The following TSHR variants were observed in gnomAD, a reference collection of about 807,000 sequenced individuals.
The protein encoded by TSHR is thyroid stimulating hormone receptor.
TSHR carries 51 observed loss-of-function variants against 64.1 expected under a neutral mutation model. The ratio of observed to expected loss-of-function variants is 0.80; its 90% CI spans 0.64 to 1.01. TSHR has a LOEUF of 1.01. TSHR is among the 50% of genes least tolerant of loss of function. The probability of loss-of-function intolerance (pLI) is 0.00; values close to 1 mark genes in which losing one functional copy is unlikely to be tolerated. For synonymous variants in TSHR, 361 were observed against 361.9 expected (o/e 1.00, Z 0.03); for missense variants, 877 against 942.8 (o/e 0.93, Z 0.91).
chr14:81,072,937 C>A (rs1225515023), intron 3 of TSHR, among the ~76,000 whole-genome samples: 1 of 119,186 alleles, frequency 8.4e-6, no homozygotes, highest in Non-Finnish European at 1.6e-5. Context: ...GCGGAGCTTG[C>A]AGTGAGCCGA....
chr14:81,032,301 G>A (rs1268387286), intron 1 of TSHR, among the ~76,000 whole-genome samples: 1 of 152,262 alleles, frequency 6.6e-6, no homozygotes, highest in African/African-American at 2.4e-5. Context: ...ACTGCATCCA[G>A]ACATGCCTTG....
At chr14:81,067,519 A>G (rs1204096338) in intron 2 of TSHR, among the ~76,000 whole-genome samples, 2 of 146,054 alleles carry the variant, frequency 1.4e-5, no homozygotes, top group Admixed American at 6.8e-5. Context: ...ATATATCACT[A>G]TATATAATCC....
At chr14:81,057,392 C>A (rs1027537711) in intron 1 of TSHR, among the ~76,000 whole-genome samples, 2 of 151,836 alleles carry the variant, frequency 1.3e-5, no homozygotes, top group African/African-American at 4.8e-5. Flanking sequence ...GCCTGGGTGA[C>A]AAGAGTGAAA....
rs61978749 is a variant in TSHR at position 81,059,668 on chromosome 14, C to A, written c.171-2480C>A. Among the ~76,000 whole-genome samples, 1,421 of 152,184 alleles carry A rather than the reference C, an allele frequency of 9.3e-3. 15 individuals are homozygous for A. The highest frequency in any genetic ancestry group is 0.015 in the Non-Finnish European group (1,040 of 67,976). On this transcript the variant is annotated intron_variant, in intron 1 of 9. Coordinates refer to ENST00000298171, the MANE Select transcript of TSHR (RefSeq NM_000369.5). ...CTCAACTTCAATTTTGTTTGATTTACTGTGCATATTGTATTATTACTAAGA... is the reference window on the plus strand; with the variant it reads ...CTCAACTTCAATTTTGTTTGATTTAATGTGCATATTGTATTATTACTAAGA...
intron 3 of TSHR, among the ~76,000 whole-genome samples, chr14:81,077,097 G>C (rs1887560255): frequency 6.6e-6 from 1 of 152,046 alleles, no homozygotes; most frequent in African/African-American, 2.4e-5. Flanking sequence ...CCTACACAGA[G>C]ACACATACCA....
chr14:80,986,363 AAAT>A (rs1371501509), intron 1 of TSHR, among the ~76,000 whole-genome samples: 1 of 152,196 alleles, frequency 6.6e-6, no homozygotes, highest in Non-Finnish European at 1.5e-5. Flanking sequence ...CTTTACAATA[AAAT>A]TAGACATCAG....
intron 1 of TSHR, among the ~76,000 whole-genome samples, chr14:81,002,442 C>T (rs1008119066): frequency 3.3e-5 from 5 of 152,114 alleles, no homozygotes; most frequent in Admixed American, 6.6e-5. Context: ...ATAGTATTAC[C>T]TATCTCAATG....
At chr14:80,976,113 G>A (rs915118126) in intron 1 of TSHR, among the ~76,000 whole-genome samples, 5 of 152,086 alleles carry the variant, frequency 3.3e-5, no homozygotes, top group East Asian at 3.9e-4. Flanking sequence ...GGGTTTCACC[G>A]TGTTAGCCAG....
At chr14:81,061,587 A>C (rs1381848514) in intron 1 of TSHR, among the ~76,000 whole-genome samples, 1 of 152,050 alleles carries the variant, frequency 6.6e-6, no homozygotes, top group African/African-American at 2.4e-5. Flanking sequence ...AGTGAGAGCT[A>C]AATGATGAGA....
intron 1 of TSHR, among the ~76,000 whole-genome samples, chr14:81,031,884 C>T (rs531351940): frequency 6.6e-6 from 1 of 152,330 alleles, no homozygotes; most frequent in African/African-American, 2.4e-5. Context: ...CCCTAGGACA[C>T]ACCTTCAGGT....
intron 1 of TSHR, chr14:81,050,674 CT>C (rs1159809130): frequency 6.6e-6 from 1 of 152,028 alleles, no homozygotes; most frequent in East Asian, 1.9e-4. Context: ...AAGTAATGCA[CT>C]TTTTCTGTTA....
intron 1 of TSHR, among the ~76,000 whole-genome samples, chr14:81,056,318 C>A (rs763509233): frequency 6.6e-5 from 10 of 152,110 alleles, no homozygotes; most frequent in Non-Finnish European, 7.3e-5. Flanking sequence ...TGAACTAATA[C>A]AATTCCTGAT....
At chr14:81,035,985 A>T (rs1884604172) in intron 1 of TSHR, among the ~76,000 whole-genome samples, 1 of 152,198 alleles carries the variant, frequency 6.6e-6, no homozygotes, top group Admixed American at 6.5e-5. Flanking sequence ...TAAATTAAGC[A>T]GAAGACAAAA....
intron 1 of TSHR, chr14:81,001,430 C>T (rs1020872767): frequency 4.3e-6 from 2 of 465,826 alleles, no homozygotes; most frequent in Admixed American, 4.4e-5. Context: ...AGTAGCAAAT[C>T]TTAGGTGCTT....
At chr14:81,053,007 G>C (rs1027137248) in intron 1 of TSHR, 1 of 152,086 alleles carries the variant, frequency 6.6e-6, no homozygotes, top group Admixed American at 6.6e-5. Flanking sequence ...TGATTATGGA[G>C]GCTAAGAGGC....
At chr14:80,983,431 G>T in intron 1 of TSHR, 1 of 1,262,322 alleles carries the variant, frequency 7.9e-7, no homozygotes, top group South Asian at 1.5e-5. Context: ...ACTGCAGCCA[G>T]AGACATGATC....
At chr14:81,099,013 T>C (rs974556938) in intron 7 of TSHR, among the ~76,000 whole-genome samples, 2 of 152,192 alleles carry the variant, frequency 1.3e-5, no homozygotes, top group East Asian at 3.9e-4. Context: ...TTATTCAAGA[T>C]AGAGTATAAA....
At chr14:81,056,617 T>C (rs1009992076) in intron 1 of TSHR, among the ~76,000 whole-genome samples, 1 of 152,144 alleles carries the variant, frequency 6.6e-6, no homozygotes, top group African/African-American at 2.4e-5. Flanking sequence ...CCTAAACCAA[T>C]ACTTGTGAAT....
intron 1 of TSHR, chr14:81,032,763 T>C (rs1408238371): frequency 9.4e-6 from 4 of 427,684 alleles, no homozygotes; most frequent in Middle Eastern, 3.7e-4. Flanking sequence ...GAATTCCAAA[T>C]TGGTGGAAGT....
Sources: gnomAD v4.1 joint callset for allele counts (sites outside exome capture counted in the v4.1 genomes callset) on GRCh38, gnomAD v4.1.1 for gene constraint, MANE v1.5 for transcripts, NCBI Gene and HGNC (gene_info 2026-07-23, HGNC 2026-07-21) for gene names.